Variants in PDE4B observed in about 807,000 individuals in gnomAD.
PDE4B encodes phosphodiesterase 4B.
Under a neutral mutation model 82.2 loss-of-function variants are expected in PDE4B, and 20 were observed. The ratio of observed to expected loss-of-function variants is 0.24; its 90% CI spans 0.17 to 0.35. PDE4B has a LOEUF of 0.35. Among genes scored for constraint, PDE4B ranks in the 10% least tolerant of loss-of-function variants. PDE4B has a pLI of 1.00. For missense variants in PDE4B, 655 were observed against 907.2 expected (o/e 0.72, Z 3.57); for synonymous variants, 320 against 318.9 (o/e 1.00, Z -0.04).
intron 3 of PDE4B, among the ~76,000 whole-genome samples, chr1:66,222,655 C>A (rs1482983049): frequency 6.6e-6 from 1 of 152,162 alleles, no homozygotes; most frequent in Non-Finnish European, 1.5e-5. Context: ...AATTATTCAA[C>A]CTCTCTGATC....
chr1:66,291,214 G>T (rs1390325958), intron 7 of PDE4B, among the ~76,000 whole-genome samples: 2 of 152,130 alleles, frequency 1.3e-5, no homozygotes, highest in Admixed American at 6.6e-5. Context: ...AAACCAGTGA[G>T]ATAGGAATCC....
intron 3 of PDE4B, among the ~76,000 whole-genome samples, chr1:66,140,248 G>A (rs929705299): frequency 6.6e-6 from 1 of 152,114 alleles, no homozygotes; most frequent in African/African-American, 2.4e-5. Context: ...CCTGTGTAGT[G>A]CCAATCTTGC....
intron 6 of PDE4B, among the ~76,000 whole-genome samples, chr1:66,265,233 C>G (rs1654948209): frequency 6.6e-6 from 1 of 152,172 alleles, no homozygotes; most frequent in Admixed American, 6.5e-5. Context: ...CTGATGCACC[C>G]TAAAATTTGA....
intron 3 of PDE4B, among the ~76,000 whole-genome samples, chr1:66,043,789 C>T (rs540995049): frequency 6.6e-6 from 1 of 151,810 alleles, no homozygotes; most frequent in South Asian, 2.1e-4. Flanking sequence ...CAACACAAAA[C>T]AGGCAACAGG....
chr1:66,235,227 A>T (rs562153424), intron 3 of PDE4B, among the ~76,000 whole-genome samples: 4 of 152,268 alleles, frequency 2.6e-5, no homozygotes, highest in Admixed American at 2.6e-4. Flanking sequence ...TATCTTTGTC[A>T]ATTAGTTAAA....
Position 65,844,448 on chromosome 1 carries a change from G to A in PDE4B, c.-71+51200G>A, listed in dbSNP as rs143306236. Among the ~76,000 whole-genome samples, 215 of 152,226 alleles carry A rather than the reference G, an allele frequency of 1.4e-3. 1 individual carries two copies. Among genetic ancestry groups the A allele is most frequent in the East Asian group, 9.8e-3 (51 of 5,182 alleles). On this transcript the variant is annotated intron_variant, in intron 1 of 16. Transcript: ENST00000341517. ...TCTCAGAGCTGGACTCTCGCAGACC[G>A]TTGTGTTCTCTTAGACAAATGGAAG...
intron 3 of PDE4B, among the ~76,000 whole-genome samples, chr1:66,158,404 G>A (rs1246256553): frequency 6.6e-6 from 1 of 152,110 alleles, no homozygotes; most frequent in Non-Finnish European, 1.5e-5. Flanking sequence ...TGACAGGTAT[G>A]TCAAAAAAAT....
At chr1:65,819,758 C>T (rs1459245137) in intron 1 of PDE4B, among the ~76,000 whole-genome samples, 1 of 152,102 alleles carries the variant, frequency 6.6e-6, no homozygotes, top group African/African-American at 2.4e-5. Flanking sequence ...CTCGGCCTCC[C>T]AAAGTGCTGA....
chr1:66,324,003 G>C (rs1659585084), intron 7 of PDE4B, among the ~76,000 whole-genome samples: 2 of 152,128 alleles, frequency 1.3e-5, no homozygotes, highest in African/African-American at 2.4e-5. Flanking sequence ...CACATTGGTG[G>C]TACATGTTTT....
At chr1:66,311,411 C>A (rs1213508505) in intron 7 of PDE4B, among the ~76,000 whole-genome samples, 1 of 152,244 alleles carries the variant, frequency 6.6e-6, no homozygotes, top group Non-Finnish European at 1.5e-5. Context: ...TTCACTGTCT[C>A]CCTTATTTTA....
chr1:66,233,125 A>C (rs1407125365), intron 3 of PDE4B, among the ~76,000 whole-genome samples: 1 of 151,806 alleles, frequency 6.6e-6, no homozygotes, highest in Non-Finnish European at 1.5e-5. Flanking sequence ...AACCCCTCCC[A>C]CCTCTCCCTG....
intron 3 of PDE4B, among the ~76,000 whole-genome samples, chr1:65,938,469 T>C (rs956362676): frequency 1.3e-5 from 2 of 152,232 alleles, no homozygotes; most frequent in Non-Finnish European, 2.9e-5. Flanking sequence ...GATAGACTAA[T>C]GATGCTTTAT....
intron 1 of PDE4B, among the ~76,000 whole-genome samples, chr1:65,844,480 A>C (rs1646246312): frequency 6.6e-6 from 1 of 152,192 alleles, no homozygotes; most frequent in Non-Finnish European, 1.5e-5. Flanking sequence ...GAAGCTTTCC[A>C]GCTAAAACTG....
At chr1:66,168,406 A>G (rs895534061) in intron 3 of PDE4B, among the ~76,000 whole-genome samples, 3 of 152,350 alleles carry the variant, frequency 2.0e-5, no homozygotes, top group South Asian at 2.1e-4. Flanking sequence ...CAAGACCTTG[A>G]TAACGAGGTG....
intron 3 of PDE4B, among the ~76,000 whole-genome samples, chr1:66,039,169 T>C (rs552815696): frequency 2.0e-5 from 3 of 152,168 alleles, no homozygotes; most frequent in African/African-American, 7.2e-5. Flanking sequence ...ATTTGGAAAA[T>C]ATTGGACACA....
At chr1:66,335,700 C>T (rs1448027538) in intron 8 of PDE4B, among the ~76,000 whole-genome samples, 1 of 152,050 alleles carries the variant, frequency 6.6e-6, no homozygotes, top group Admixed American at 6.5e-5. Flanking sequence ...TATTTTCCTC[C>T]AAGAATTACT....
At chr1:65,892,785 T>A (rs944335828) in intron 1 of PDE4B, among the ~76,000 whole-genome samples, 2 of 152,104 alleles carry the variant, frequency 1.3e-5, no homozygotes, top group African/African-American at 4.8e-5. Context: ...TTTATTCATC[T>A]TCTGTTGCAT....
In PDE4B at chr1:65,879,744, G is replaced by A. The variant is rs79953143; in HGVS notation, c.-70-33501G>A. On this transcript the variant is annotated intron_variant, in intron 1 of 16. Transcript: ENST00000341517. The stretch of plus-strand genomic sequence containing the variant: ...AGTACAAGGAATATGGAAGAAAGTG[G>A]AAAGATAATTGTTCACTGCATGAGC... 5.7e-3 allele frequency among the ~76,000 whole-genome samples: 868 copies of A among 152,280 alleles called. 15 individuals are homozygous for A. The highest frequency in any genetic ancestry group is 0.039 in the East Asian group (200 of 5,182).
At chr1:66,315,931 G>A (rs191763901) in intron 7 of PDE4B, among the ~76,000 whole-genome samples, 1 of 152,226 alleles carries the variant, frequency 6.6e-6, no homozygotes, top group Non-Finnish European at 1.5e-5. Flanking sequence ...CCTTGGCCAC[G>A]TAAACCTCAC....
Sources: gnomAD v4.1 joint callset for allele counts (sites outside exome capture counted in the v4.1 genomes callset) on GRCh38, gnomAD v4.1.1 for gene constraint, MANE v1.5 for transcripts, NCBI Gene and HGNC (gene_info 2026-07-23, HGNC 2026-07-21) for gene names.